The following THSD7B variants were observed in gnomAD, a reference collection of about 807,000 sequenced individuals.
THSD7B encodes thrombospondin type 1 domain containing 7B.
THSD7B carries 138 observed loss-of-function variants against 213.6 expected under a neutral mutation model. That is an observed-to-expected ratio of 0.65 (90% confidence interval 0.56 to 0.74). The LOEUF (loss-of-function observed/expected upper bound fraction) is 0.74, where lower values mean the gene tolerates loss of function less well. Among genes scored for constraint, THSD7B ranks in the 30% least tolerant of loss-of-function variants. THSD7B has a pLI of 0.00. For synonymous variants in THSD7B, 742 were observed against 687.0 expected (o/e 1.08, Z -1.25); for missense variants, 1,931 against 1,991.5 (o/e 0.97, Z 0.58).
Position 137,170,934 on chromosome 2 carries a change from C to T in THSD7B, c.1719C>T (p.Asp573=), listed in dbSNP as rs775148530. 3.1e-6 allele frequency: 5 copies of T among 1,612,038 alleles called. No homozygotes were observed. The highest frequency in any genetic ancestry group is 4.2e-6 in the Non-Finnish European group (5 of 1,179,636). ...HRILKAVCQN[D]RGEDVSGSLC... ...TTCTGAAGGCCGTCTGCCAGAATGA[C>T]CGCGGTATGACCCAGTGACCCACTA... Residue 573 remains aspartate, a synonymous_variant, in exon 7 of 28, where the codon GAC becomes GAT. Transcript: ENST00000409968.
rs118134449 is a variant in THSD7B at position 137,517,691 on chromosome 2, C to T, written c.3139-45530C>T. ...GGTCCAGCCTGCTGTGCAAGCTTCT[C>T]TGCCACTTGGGCCATATGACTCAGC... On this transcript the variant is annotated intron_variant, in intron 15 of 27. Transcript: ENST00000409968. Among the ~76,000 whole-genome samples the T allele has an allele frequency of 3.4e-3, 520 of 152,324 alleles. 4 individuals carry two copies. The highest frequency in any genetic ancestry group is 0.03 in the South Asian group (143 of 4,828).
intron 12 of THSD7B, among the ~76,000 whole-genome samples, chr2:137,343,690 A>G (rs938166257): frequency 5.9e-5 from 9 of 151,786 alleles, no homozygotes; most frequent in African/African-American, 1.2e-4. Flanking sequence ...AAGGAGTGCA[A>G]TTACTTTCAG....
rs200743398 is a variant in THSD7B, at chr2:137,405,754, C to T, written c.2642C>T (p.Thr881Met). ...ACCTTCACTGCTTGGTCCAAGTTTA[C>T]GCCCTGCTCCACGAACTGTGAAGCC... is the stretch of plus-strand genomic sequence containing the variant. ...DCTFTAWSKF[T>M]PCSTNCEATK... Residue 881 changes from threonine (T) to methionine (M), a missense_variant, in exon 13 of 28, where the codon ACG becomes ATG. Transcript: ENST00000409968. The T allele has an allele frequency of 7.0e-5, 113 of 1,613,536 alleles. No homozygotes were observed. In the Admixed American group the frequency reaches 7.2e-4, roughly 10 times the overall value.
At chr2:136,843,775 C>T (rs1184323528) in intron 1 of THSD7B, among the ~76,000 whole-genome samples, 1 of 152,118 alleles carries the variant, frequency 6.6e-6, no homozygotes, top group African/African-American at 2.4e-5. Context: ...AGAAGGGTCC[C>T]AAATATAGTG....
chr2:137,079,237 T>G (rs1028935898), intron 3 of THSD7B, among the ~76,000 whole-genome samples: 1 of 152,184 alleles, frequency 6.6e-6, no homozygotes, highest in African/African-American at 2.4e-5. Flanking sequence ...TTATTAAATA[T>G]ATATGTACTT....
chr2:136,962,505 A>G (rs1685238328), intron 2 of THSD7B, among the ~76,000 whole-genome samples: 1 of 132,992 alleles, frequency 7.5e-6, no homozygotes, highest in Non-Finnish European at 1.5e-5. Flanking sequence ...GAGAGTTGGG[A>G]TGGCGGTATC....
At chr2:136,814,209 A>G (rs1226788149) in intron 1 of THSD7B, among the ~76,000 whole-genome samples, 2 of 152,186 alleles carry the variant, frequency 1.3e-5, no homozygotes, top group Non-Finnish European at 2.9e-5. Flanking sequence ...TCCCATGTAA[A>G]ATGAAAGTGG....
chr2:137,110,118 C>T lies in THSD7B; in HGVS notation c.1200-5006C>T, dbSNP rs117604618. Reference sequence around the variant, plus strand: ...GTCATGGCACTGAAATATCTCTCCTCGTCCATCTCTCTCTCCCCACCTGGT... The same window carrying T: ...GTCATGGCACTGAAATATCTCTCCTTGTCCATCTCTCTCTCCCCACCTGGT... On this transcript the variant is annotated intron_variant, in intron 4 of 27. Transcript: ENST00000409968. Among the ~76,000 whole-genome samples the T allele has an allele frequency of 2.0e-4, 30 of 152,226 alleles. No homozygotes were observed. The East Asian group carries it at 5.6e-3, about 28-fold the overall frequency.
At chr2:137,626,716 G>A (rs1048813343) in intron 20 of THSD7B, among the ~76,000 whole-genome samples, 9 of 152,138 alleles carry the variant, frequency 5.9e-5, no homozygotes, top group Non-Finnish European at 1.3e-4. Flanking sequence ...GTTAGAAGCA[G>A]CAGCAGCCTG....
chr2:136,838,288 G>C (rs1682873090), intron 1 of THSD7B, among the ~76,000 whole-genome samples: 1 of 152,150 alleles, frequency 6.6e-6, no homozygotes. Context: ...TAGAGGGAAG[G>C]AGGAGGGGAG....
intron 3 of THSD7B, among the ~76,000 whole-genome samples, chr2:137,083,227 T>A (rs949977950): frequency 6.6e-6 from 1 of 152,106 alleles, no homozygotes; most frequent in Non-Finnish European, 1.5e-5. Context: ...TAGGTAAACA[T>A]CATTTTTATC....
intron 15 of THSD7B, among the ~76,000 whole-genome samples, chr2:137,513,380 A>G (rs189885637): frequency 1.3e-5 from 2 of 152,310 alleles, no homozygotes; most frequent in South Asian, 2.1e-4. Context: ...CAAGTAGAGG[A>G]TTTGGAGAGA....
At chr2:137,496,052 A>G (rs188085481) in intron 15 of THSD7B, among the ~76,000 whole-genome samples, 1 of 152,258 alleles carries the variant, frequency 6.6e-6, no homozygotes, top group East Asian at 1.9e-4. Flanking sequence ...TTAAAATAGC[A>G]TGGGCTCCAA....
Position 136,993,174 on chromosome 2 carries a change from G to A in THSD7B, c.140-63246G>A, listed in dbSNP as rs1573754459. The stretch of plus-strand genomic sequence containing the variant: ...TTGCAACCAAGAAGGTGCTTCAGAT[G>A]TTTTGGATGTATATGAGAACAAATC... On this transcript the variant is annotated intron_variant, in intron 2 of 27. Transcript: ENST00000409968. 5.3e-5 allele frequency among the ~76,000 whole-genome samples: 8 copies of A among 152,332 alleles called. No individual in the cohort carries two copies. The South Asian group carries it at 1.5e-3, about 28-fold the overall frequency.
chr2:137,421,697 G>C (rs1371799479), intron 14 of THSD7B, among the ~76,000 whole-genome samples: 1 of 152,132 alleles, frequency 6.6e-6, no homozygotes, highest in East Asian at 1.9e-4. Flanking sequence ...TCTCTGGGGA[G>C]GGTCTTAACA....
chr2:137,151,204 T>C (rs1048062822), intron 5 of THSD7B, among the ~76,000 whole-genome samples: 6 of 152,242 alleles, frequency 3.9e-5, no homozygotes, highest in Admixed American at 6.5e-5. Context: ...TTAAAAACTT[T>C]TAACTCTTTT....
chr2:137,284,562 C>T (rs1179329502), intron 12 of THSD7B, among the ~76,000 whole-genome samples: 2 of 152,116 alleles, frequency 1.3e-5, no homozygotes, highest in Admixed American at 1.3e-4. Flanking sequence ...CCTCTACACA[C>T]TGCTTTGAAT....
At chr2:137,302,166 A>G (rs1683621119) in intron 12 of THSD7B, among the ~76,000 whole-genome samples, 1 of 152,116 alleles carries the variant, frequency 6.6e-6, no homozygotes, top group Admixed American at 6.5e-5. Context: ...TTGGGTGGTC[A>G]TCATCACATA....
intron 12 of THSD7B, among the ~76,000 whole-genome samples, chr2:137,324,790 G>C (rs2104884108): frequency 6.6e-6 from 1 of 152,314 alleles, no homozygotes; most frequent in East Asian, 1.9e-4. Context: ...CTGTTTCAAA[G>C]ATAGGATCAA....
Sources: allele counts gnomAD v4.1 joint callset (sites outside exome capture counted in the v4.1 genomes callset), GRCh38; gene constraint gnomAD v4.1.1; transcripts MANE v1.5; gene names NCBI Gene and HGNC (gene_info 2026-07-23, HGNC 2026-07-21).